Variants in DLGAP2 observed in about 807,000 individuals in gnomAD.
DLGAP2 encodes the protein DLG associated protein 2.
DLGAP2 carries 26 observed loss-of-function variants against 100.3 expected under a neutral mutation model. The ratio of observed to expected loss-of-function variants is 0.26; its 90% CI spans 0.19 to 0.36. The LOEUF (loss-of-function observed/expected upper bound fraction) is 0.36. Ranked by LOEUF, DLGAP2 falls within the 10% of genes least tolerant of loss-of-function variation. The pLI is 1.00. For missense variants in DLGAP2, 1,858 were observed against 1,453.2 expected, an observed-to-expected ratio of 1.28 and a Z score of -4.53; for synonymous variants, 886 against 630.1, an observed-to-expected ratio of 1.41 and a Z score of -6.08.
chr8:1,380,714 TTTAA>T (rs1796071415), intron 3 of DLGAP2, among the ~76,000 whole-genome samples: 1 of 152,162 alleles, frequency 6.6e-6, no homozygotes, highest in African/African-American at 2.4e-5. Context: ...TGAAAAATTC[TTTAA>T]TTACACGCTT....
chr8:1,310,999 T>G (rs1800601225), intron 3 of DLGAP2, among the ~76,000 whole-genome samples: 1 of 152,166 alleles, frequency 6.6e-6, no homozygotes, highest in Non-Finnish European at 1.5e-5. Context: ...TGAAGTCAGT[T>G]GATTGAAAAG....
At chr8:756,147 G>C (rs1360529122) in intron 1 of DLGAP2, among the ~76,000 whole-genome samples, 1 of 152,164 alleles carries the variant, frequency 6.6e-6, no homozygotes, top group Non-Finnish European at 1.5e-5. Flanking sequence ...ATACCTTGCT[G>C]GGGGCTGTGT....
At chr8:1,664,285 G>T (rs1798487956) in intron 8 of DLGAP2, among the ~76,000 whole-genome samples, 2 of 152,122 alleles carry the variant, frequency 1.3e-5, no homozygotes, top group African/African-American at 2.4e-5. Flanking sequence ...GGTGGCATGG[G>T]TACATCTAGG....
At chr8:906,657 G>T (rs990546328) in intron 1 of DLGAP2, among the ~76,000 whole-genome samples, 3 of 152,172 alleles carry the variant, frequency 2.0e-5, no homozygotes, top group African/African-American at 7.2e-5. Context: ...CTTCCACGTG[G>T]CACGGGGCCA....
At chr8:1,341,827 C>G (rs1801425243) in intron 3 of DLGAP2, among the ~76,000 whole-genome samples, 1 of 152,214 alleles carries the variant, frequency 6.6e-6, no homozygotes. Flanking sequence ...GGCACATTGC[C>G]TACAGAACAT....
chr8:948,072 C>A (rs953660728), intron 2 of DLGAP2, among the ~76,000 whole-genome samples: 1 of 150,574 alleles, frequency 6.6e-6, no homozygotes, highest in African/African-American at 2.4e-5. Context: ...GCCATGGCTT[C>A]CCCGACCCCA....
At chr8:1,451,108 C>G (rs1341748920) in intron 3 of DLGAP2, among the ~76,000 whole-genome samples, 1 of 152,052 alleles carries the variant, frequency 6.6e-6, no homozygotes, top group African/African-American at 2.4e-5. Context: ...AGTGGATTCC[C>G]GTTCTGTGGG....
chr8:764,665 C>G (rs879486257), intron 1 of DLGAP2, among the ~76,000 whole-genome samples: 3 of 152,126 alleles, frequency 2.0e-5, no homozygotes, highest in Admixed American at 6.6e-5. Context: ...ACATCAGTAA[C>G]CTCTACCGTA....
chr8:943,431 G>A (rs528853744), intron 2 of DLGAP2, among the ~76,000 whole-genome samples: 2 of 152,278 alleles, frequency 1.3e-5, no homozygotes, highest in Non-Finnish European at 1.5e-5. Flanking sequence ...CCGCGTGTCT[G>A]GTGGCTGCTC....
At chr8:882,878 C>T (rs1024278543) in intron 1 of DLGAP2, among the ~76,000 whole-genome samples, 1 of 152,278 alleles carries the variant, frequency 6.6e-6, no homozygotes, top group Non-Finnish European at 1.5e-5. Flanking sequence ...CTCGGCTGCT[C>T]ACGCTGCGAC....
intron 3 of DLGAP2, among the ~76,000 whole-genome samples, chr8:1,292,071 A>C (rs947706508): frequency 1.3e-5 from 2 of 152,196 alleles, no homozygotes; most frequent in African/African-American, 4.8e-5. Flanking sequence ...GAATGTTCCA[A>C]CTCTGAAGAC....
intron 4 of DLGAP2, among the ~76,000 whole-genome samples, chr8:1,524,996 C>T (rs957875989): frequency 3.7e-4 from 57 of 152,186 alleles, no homozygotes; most frequent in African/African-American, 1.3e-3. Flanking sequence ...TTGTGGATGG[C>T]GGAGCAGCCA....
intron 2 of DLGAP2, among the ~76,000 whole-genome samples, chr8:1,060,010 G>A (rs73670419): frequency 0.062 from 9,456 of 152,252 alleles, 953 homozygotes; most frequent in African/African-American, 0.22. Context: ...CAAGCAAGTG[G>A]TCGCTGGGAT....
intron 3 of DLGAP2, among the ~76,000 whole-genome samples, chr8:1,479,580 T>C (rs1339027641): frequency 6.6e-6 from 1 of 152,182 alleles, no homozygotes; most frequent in Non-Finnish European, 1.5e-5. Flanking sequence ...TGCGTTTCAT[T>C]TCCCCTGCTT....
rs573032918 is a variant in DLGAP2, at chr8:1,364,321, G to C, written c.106+105438G>C. On this transcript the variant is annotated intron_variant, in intron 3 of 14. Coordinates refer to ENST00000637795, the MANE Select transcript of DLGAP2 (RefSeq NM_001346810.2). Reference sequence around the variant, plus strand: ...AGGTGGGGACAGAGCTGGGGTGAGAGAACCCAGACTCAGAATAGGATCGTT... The same window carrying C: ...AGGTGGGGACAGAGCTGGGGTGAGACAACCCAGACTCAGAATAGGATCGTT... 3.5e-3 allele frequency among the ~76,000 whole-genome samples: 533 copies of C among 152,282 alleles called. 5 individuals carry two copies. The highest frequency in any genetic ancestry group is 0.012 in the African/African-American group (512 of 41,562).
chr8:1,360,840 C>T (rs1365874403), intron 3 of DLGAP2, among the ~76,000 whole-genome samples: 3 of 152,232 alleles, frequency 2.0e-5, no homozygotes, highest in African/African-American at 7.2e-5. Flanking sequence ...CGTGGGCCGT[C>T]TGCACACGAC....
chr8:1,377,388 CA>C (rs1263254605), intron 3 of DLGAP2, among the ~76,000 whole-genome samples: 3 of 152,106 alleles, frequency 2.0e-5, no homozygotes, highest in Non-Finnish European at 4.4e-5. Flanking sequence ...ACAGAAAATA[CA>C]AAAAATTAGC....
At chr8:1,187,576 G>T (rs1436595100) in intron 2 of DLGAP2, among the ~76,000 whole-genome samples, 2 of 131,544 alleles carry the variant, frequency 1.5e-5, no homozygotes, top group South Asian at 5.4e-4. Context: ...AATCTCGCAC[G>T]CCCGGGACCT....
At chr8:1,430,011 T>TATATATATGTATATATATATATATAC (rs1554467368) in intron 3 of DLGAP2, among the ~76,000 whole-genome samples, 1 of 63,960 alleles carries the variant, frequency 1.6e-5, no homozygotes, top group African/African-American at 5.5e-5. Context: ...TATATACATA[T>TATATATATGTATATATATATATATAC]ATATATATAT....
Sources: allele counts gnomAD v4.1 joint callset (sites outside exome capture counted in the v4.1 genomes callset), GRCh38; gene constraint gnomAD v4.1.1; transcripts MANE v1.5; gene names NCBI Gene and HGNC (gene_info 2026-07-23, HGNC 2026-07-21).